The following PCLO variants were observed in gnomAD, a reference collection of about 807,000 sequenced individuals.
PCLO encodes the protein protein piccolo.
In PCLO, 82 loss-of-function variants were observed where a neutral mutation model predicts 427.5. The observed-to-expected ratio is 0.19, with a 90% CI of 0.16 to 0.23. The LOEUF (loss-of-function observed/expected upper bound fraction) is 0.23, where lower values mean the gene tolerates loss of function less well. PCLO is among the 10% of genes least tolerant of loss of function. The pLI, the probability that PCLO is intolerant of heterozygous loss-of-function variation, is 1.00. For missense variants in PCLO, 6,239 were observed against 6,115.9 expected (o/e 1.02, Z -0.67); for synonymous variants, 2,357 against 2,155.4 (o/e 1.09, Z -2.59).
At chr7:82,762,419 G>A (rs934139182) in intron 22 of PCLO, among the ~76,000 whole-genome samples, 8 of 151,844 alleles carry the variant, frequency 5.3e-5, no homozygotes, top group Admixed American at 5.3e-4. Context: ...TTAAGAATTT[G>A]GTTTTTCTGT....
chr7:83,059,593 T>G (rs536015715), intron 3 of PCLO, among the ~76,000 whole-genome samples: 3,697 of 152,040 alleles, frequency 0.024, 156 homozygotes, highest in African/African-American at 0.084. Context: ...GACAGAAATT[T>G]ATTTAACCAA....
chr7:83,090,902 A>G (rs1460917309), intron 3 of PCLO, among the ~76,000 whole-genome samples: 10 of 151,974 alleles, frequency 6.6e-5, no homozygotes, highest in Admixed American at 6.6e-4. Context: ...CTTCCTTTTG[A>G]TTAGTAACGA....
At chr7:82,767,644 T>G (rs938290234) in intron 22 of PCLO, among the ~76,000 whole-genome samples, 1 of 152,062 alleles carries the variant, frequency 6.6e-6, no homozygotes, top group African/African-American at 2.4e-5. Context: ...ATGATACATA[T>G]AATCTTTTCT....
At chr7:82,970,566 T>C (rs1795880117) in intron 3 of PCLO, among the ~76,000 whole-genome samples, 1 of 151,908 alleles carries the variant, frequency 6.6e-6, no homozygotes, top group Non-Finnish European at 1.5e-5. Context: ...GGTGGTCTCA[T>C]ATGTGTCTCT....
At chr7:83,027,141 C>T (rs1354650822) in intron 3 of PCLO, among the ~76,000 whole-genome samples, 6 of 126,890 alleles carry the variant, frequency 4.7e-5, no homozygotes, top group African/African-American at 1.7e-4. Flanking sequence ...CACAAAAAAC[C>T]CTTCAAAAAA....
At chr7:82,885,090 G>A (rs1163787595) in intron 9 of PCLO, among the ~76,000 whole-genome samples, 1 of 152,156 alleles carries the variant, frequency 6.6e-6, no homozygotes, top group Non-Finnish European at 1.5e-5. Flanking sequence ...AGTGAAGGCA[G>A]AACTTGTGAC....
At chr7:82,827,782 A>T in intron 17 of PCLO, 91 bp downstream of exon 17, 1 of 677,614 alleles carries the variant, frequency 1.5e-6, no homozygotes. Flanking sequence ...TTGATTGGCA[A>T]AATGTATACA....
intron 2 of PCLO, among the ~76,000 whole-genome samples, chr7:83,154,049 T>C (rs542277277): frequency 6.6e-6 from 1 of 152,262 alleles, no homozygotes; most frequent in Admixed American, 6.5e-5. Flanking sequence ...CTCATCTATA[T>C]CACAATTAAC....
intron 8 of PCLO, among the ~76,000 whole-genome samples, chr7:82,907,151 A>G (rs1454926278): frequency 6.6e-6 from 1 of 151,978 alleles, no homozygotes; most frequent in Non-Finnish European, 1.5e-5. Flanking sequence ...TCCTCAAAGA[A>G]TATTAGTTTG....
At chr7:82,992,191 T>C (rs1294689807) in intron 3 of PCLO, among the ~76,000 whole-genome samples, 3 of 152,098 alleles carry the variant, frequency 2.0e-5, no homozygotes, top group African/African-American at 7.2e-5. Context: ...TCCCACACCA[T>C]TGGAACTATG....
At position 82,879,443 on chromosome 7, in the gene PCLO, T is replaced by C. The variant is rs2116043870; in HGVS notation, c.13548A>G (p.Arg4516=). The change falls in exon 10 of 25, where the codon AGA becomes AGG. Residue 4516 remains arginine, a synonymous_variant. Coordinates refer to ENST00000333891, the MANE Select transcript of PCLO (RefSeq NM_033026.6). ...HTVSGNGLGI[R]IVGGKEIPGH... ...CCGGGATTTCTTTACCACCCACAAT[T>C]CTAATTCCTAATCCATTACCTGTAT... is the stretch of plus-strand genomic sequence containing the variant. 6.2e-7 allele frequency: 1 copy of C among 1,601,298 alleles called. No individual in the cohort carries two copies. Among genetic ancestry groups the C allele is most frequent in the South Asian group, 1.1e-5 (1 of 90,018 alleles).
chr7:83,106,620 T>C (rs1377133322), intron 3 of PCLO, among the ~76,000 whole-genome samples: 1 of 152,164 alleles, frequency 6.6e-6, no homozygotes, highest in South Asian at 2.1e-4. Context: ...AAAAAAGATC[T>C]TGCACAGCAT....
Position 82,952,807 on chromosome 7 carries a change from T to C in PCLO, c.8146A>G (p.Lys2716Glu), listed in dbSNP as rs751961128. ...DNIHLEKPQY[K>E]EDGKLQLVGD... ...ACAAGTTGCAATTTTCCATCTTCTTTATACTGAGGCTTCTCTAAATGTATG... is the reference window on the plus strand; with the variant it reads ...ACAAGTTGCAATTTTCCATCTTCTTCATACTGAGGCTTCTCTAAATGTATG... Residue 2716 changes from lysine to glutamate, a missense_variant, in exon 5 of 25, where the codon AAA becomes GAA. Lys to Glu is a moderately conservative substitution (Grantham distance 56, BLOSUM62 1). Coordinates refer to ENST00000333891, the MANE Select transcript of PCLO (RefSeq NM_033026.6). The C allele has an allele frequency of 6.2e-7, 1 of 1,613,814 alleles. No individual in the cohort carries two copies.
At chr7:83,057,317 CATATATATATATATAT>C (rs1236982874) in intron 3 of PCLO, among the ~76,000 whole-genome samples, 9 of 25,876 alleles carry the variant, frequency 3.5e-4, no homozygotes, top group African/African-American at 1.4e-3. Flanking sequence ...ATTATATATA[CATATATATATATATAT>C]ATATATATAT....
At chr7:82,902,580 A>C in intron 9 of PCLO, 71 bp downstream of exon 9, 2 of 844,462 alleles carry the variant, frequency 2.4e-6, no homozygotes, top group Admixed American at 2.2e-5. Flanking sequence ...GTATAATAAT[A>C]AAAAAATGCA....
intron 8 of PCLO, among the ~76,000 whole-genome samples, chr7:82,906,574 A>C (rs958760372): frequency 6.6e-6 from 1 of 152,088 alleles, no homozygotes; most frequent in African/African-American, 2.4e-5. Context: ...AGTAGAATCT[A>C]TTTAGAAAAA....
intron 3 of PCLO, among the ~76,000 whole-genome samples, chr7:82,975,786 A>G (rs561982150): frequency 4.0e-5 from 6 of 151,222 alleles, no homozygotes; most frequent in Non-Finnish European, 5.9e-5. Flanking sequence ...AGTTTCCCCT[A>G]TGCTGTTCTC....
Position 82,915,236 on chromosome 7 carries a change from T to A in PCLO, c.12750A>T (p.Thr4250=). 1 of 1,613,386 alleles carries A rather than the reference T, an allele frequency of 6.2e-7. No homozygotes were observed. The highest frequency in any genetic ancestry group is 1.7e-4 in the Middle Eastern group (1 of 6,056). The change falls in exon 7 of 25, where the codon ACA becomes ACT. Residue 4250 remains threonine, a synonymous_variant. Coordinates refer to ENST00000333891, the MANE Select transcript of PCLO (RefSeq NM_033026.6). The part of the protein sequence containing the change: ...DITFGLRKNI[T]DQQKFMGSSL... Reference sequence around the variant, plus strand: ...AAGATCCCATAAATTTTTGTTGGTCTGTAATATTTTTTCTGAGGCCAAAAG... The same window carrying A: ...AAGATCCCATAAATTTTTGTTGGTCAGTAATATTTTTTCTGAGGCCAAAAG...
intron 22 of PCLO, among the ~76,000 whole-genome samples, chr7:82,791,395 G>A (rs899676217): frequency 2.6e-5 from 4 of 152,160 alleles, no homozygotes; most frequent in African/African-American, 7.2e-5. Context: ...AATCACAATG[G>A]TGTGCTATTT....
Sources: allele counts gnomAD v4.1 joint callset (sites outside exome capture counted in the v4.1 genomes callset), GRCh38; gene constraint gnomAD v4.1.1; transcripts MANE v1.5; gene names NCBI Gene and HGNC (gene_info 2026-07-23, HGNC 2026-07-21).